Variants in SPATA16 observed in about 807,000 individuals in gnomAD.
SPATA16 encodes spermatogenesis-associated protein 16.
Under a neutral mutation model 63.3 loss-of-function variants are expected in SPATA16, and 36 were observed. That is an observed-to-expected ratio of 0.57 (90% CI 0.44 to 0.75). SPATA16 has a LOEUF of 0.75. Ranked by LOEUF, SPATA16 falls within the 30% of genes least tolerant of loss-of-function variation. The pLI is 0.00. For missense variants in SPATA16, 646 were observed against 679.3 expected (o/e 0.95, Z 0.54); for synonymous variants, 203 against 216.7 (o/e 0.94, Z 0.56).
intron 2 of SPATA16, among the ~76,000 whole-genome samples, chr3:173,081,382 A>G (rs1226135936): frequency 1.3e-5 from 2 of 152,204 alleles, no homozygotes; most frequent in Non-Finnish European, 2.9e-5. Flanking sequence ...ACTTGCCTCC[A>G]GCTGATGCAG....
intron 4 of SPATA16, among the ~76,000 whole-genome samples, chr3:172,991,659 C>A (rs551468147): frequency 2.0e-5 from 3 of 152,014 alleles, no homozygotes; most frequent in Non-Finnish European, 4.4e-5. Context: ...ACATTTAAAC[C>A]AGAAAACGGG....
chr3:172,999,677 G>A (rs751322854), intron 4 of SPATA16, among the ~76,000 whole-genome samples: 2 of 152,148 alleles, frequency 1.3e-5, no homozygotes, highest in African/African-American at 4.8e-5. Context: ...GCCTCCCAAA[G>A]TGCTGGGATT....
At chr3:173,135,370 A>G (rs1233629150) in intron 1 of SPATA16, among the ~76,000 whole-genome samples, 2 of 152,222 alleles carry the variant, frequency 1.3e-5, no homozygotes, top group Non-Finnish European at 2.9e-5. Flanking sequence ...TAAATGTAAG[A>G]TGGTACAACC....
chr3:172,977,881 C>T (rs994409956), intron 4 of SPATA16, among the ~76,000 whole-genome samples: 3 of 152,124 alleles, frequency 2.0e-5, no homozygotes, highest in African/African-American at 7.2e-5. Flanking sequence ...AGAGCTATGA[C>T]TGTGTACCCC....
At chr3:172,991,108 T>C (rs1448954776) in intron 4 of SPATA16, among the ~76,000 whole-genome samples, 1 of 152,074 alleles carries the variant, frequency 6.6e-6, no homozygotes, top group East Asian at 1.9e-4. Flanking sequence ...ATAGTCCTAG[T>C]CCATCCTTGA....
intron 4 of SPATA16, among the ~76,000 whole-genome samples, chr3:172,979,485 A>G (rs1471414940): frequency 1.3e-5 from 2 of 148,822 alleles, no homozygotes; most frequent in Non-Finnish European, 2.9e-5. Flanking sequence ...TTATAATGTT[A>G]GTTATTGTCA....
At chr3:173,009,600 T>C (rs540064212) in intron 4 of SPATA16, among the ~76,000 whole-genome samples, 2 of 152,344 alleles carry the variant, frequency 1.3e-5, no homozygotes, top group East Asian at 3.9e-4. Context: ...CTCTTTCGCA[T>C]GCCCTTAGGA....
At chr3:172,903,534 T>C (rs946258446) in intron 10 of SPATA16, among the ~76,000 whole-genome samples, 1 of 152,192 alleles carries the variant, frequency 6.6e-6, no homozygotes, top group Non-Finnish European at 1.5e-5. Flanking sequence ...TGGCAATATA[T>C]GCTTATAAAA....
chr3:172,987,847 A>G (rs751412731), intron 4 of SPATA16, among the ~76,000 whole-genome samples: 1 of 152,310 alleles, frequency 6.6e-6, no homozygotes, highest in Non-Finnish European at 1.5e-5. Flanking sequence ...GTTACTCTCT[A>G]GAAGTAAAGA....
At chr3:172,955,065 G>A (rs1733538095) in intron 6 of SPATA16, among the ~76,000 whole-genome samples, 1 of 152,156 alleles carries the variant, frequency 6.6e-6, no homozygotes, top group Non-Finnish European at 1.5e-5. Context: ...CTTGCCAACA[G>A]ATCATAATTC....
intron 2 of SPATA16, among the ~76,000 whole-genome samples, chr3:173,054,096 T>G (rs1245273175): frequency 3.3e-5 from 5 of 151,892 alleles, no homozygotes; most frequent in Non-Finnish European, 5.9e-5. Context: ...AATTATATTA[T>G]TACATGTTAC....
At chr3:173,108,236 C>T (rs1294441689) in intron 2 of SPATA16, among the ~76,000 whole-genome samples, 1 of 151,866 alleles carries the variant, frequency 6.6e-6, no homozygotes, top group Non-Finnish European at 1.5e-5. Flanking sequence ...CAGTATCAAT[C>T]TATTTTTTAG....
intron 9 of SPATA16, 123 bp downstream of exon 9, chr3:172,916,194 T>C: frequency 8.4e-7 from 1 of 1,194,598 alleles, no homozygotes; most frequent in Admixed American, 1.8e-5. Flanking sequence ...CAAGAAGGTT[T>C]GGGAGTTTGC....
chr3:173,063,043 G>C (rs1345637195), intron 2 of SPATA16, among the ~76,000 whole-genome samples: 1 of 152,230 alleles, frequency 6.6e-6, no homozygotes, highest in East Asian at 1.9e-4. Context: ...CCCTGTCTTA[G>C]AGGAACAAAT....
intron 5 of SPATA16, among the ~76,000 whole-genome samples, chr3:172,971,221 C>T (rs1412185405): frequency 6.6e-6 from 1 of 152,142 alleles, no homozygotes; most frequent in African/African-American, 2.4e-5. Context: ...TTCTATTGAT[C>T]CCAAACTCAA....
At chr3:173,015,724 A>G (rs1352724112) in intron 4 of SPATA16, among the ~76,000 whole-genome samples, 3 of 152,236 alleles carry the variant, frequency 2.0e-5, no homozygotes, top group African/African-American at 7.2e-5. Context: ...TGTGCTAGTC[A>G]TGGAGCACAA....
At chr3:172,976,898 C>CTG in intron 5 of SPATA16, 70 bp downstream of exon 5, 1 of 1,249,030 alleles carries the variant, frequency 8.0e-7, no homozygotes. Flanking sequence ...GTCTTTTAAG[C>CTG]ACCAATCTTT....
chr3:172,926,429 C>T (rs1156711688), intron 6 of SPATA16, among the ~76,000 whole-genome samples: 1 of 152,212 alleles, frequency 6.6e-6, no homozygotes, highest in Non-Finnish European at 1.5e-5. Context: ...TTTGTGTGCA[C>T]TGTTCTTTGA....
At chr3:173,095,861 C>G (rs936084169) in intron 2 of SPATA16, among the ~76,000 whole-genome samples, 3 of 152,102 alleles carry the variant, frequency 2.0e-5, no homozygotes, top group African/African-American at 4.8e-5. Context: ...CCTACATTAT[C>G]TAGCTATTAA....
Sources: allele counts gnomAD v4.1 joint callset (sites outside exome capture counted in the v4.1 genomes callset), GRCh38; gene constraint gnomAD v4.1.1; transcripts MANE v1.5; gene names NCBI Gene and HGNC (gene_info 2026-07-23, HGNC 2026-07-21).